WNK1: variants seen among roughly 807,000 people sequenced by gnomAD.
WNK1 encodes the protein WNK lysine deficient protein kinase 1.
WNK1 carries 38 observed loss-of-function variants against 222.8 expected under a neutral mutation model. The observed-to-expected ratio is 0.17, with a 90% CI of 0.13 to 0.22. WNK1 has a LOEUF of 0.22. WNK1 is among the 10% of genes least tolerant of loss of function. WNK1 has a pLI of 1.00. For missense variants in WNK1, 2,348 were observed against 2,918.4 expected, an observed-to-expected ratio of 0.80 and a Z score of 4.50; for synonymous variants, 1,090 against 1,092.9, an observed-to-expected ratio of 1.00 and a Z score of 0.05.
Position 871,355 on chromosome 12 carries a change from A to G in WNK1, c.2223+7A>G. ...CATACAACATCCTCAGCAGGTGAGAACAATGCATTGCAACATTTTATGAAT... is the reference window on the plus strand; with the variant it reads ...CATACAACATCCTCAGCAGGTGAGAGCAATGCATTGCAACATTTTATGAAT... On this transcript the variant is annotated splice_region_variant and intron_variant, in intron 9 of 27. Coordinates refer to ENST00000315939, the MANE Select transcript of WNK1 (RefSeq NM_018979.4). 1 of 1,613,438 alleles carries G rather than the reference A, an allele frequency of 6.2e-7. No individual in the cohort carries two copies. The highest frequency in any genetic ancestry group is 1.3e-5 in the African/African-American group (1 of 75,024).
chr12:807,711 CTTTTTTTTTT>C (rs869122990), intron 1 of WNK1, among the ~76,000 whole-genome samples: 22 of 78,794 alleles, frequency 2.8e-4, no homozygotes, highest in African/African-American at 6.3e-4. Flanking sequence ...AGCAATAATT[CTTTTTTTTTT>C]TTTTTTTTTT....
Position 859,443 on chromosome 12 carries a change from A to C in WNK1, c.1599A>C (p.Pro533=). 1 of 1,611,896 alleles carries C rather than the reference A, an allele frequency of 6.2e-7. No homozygotes were observed. Among genetic ancestry groups the C allele is most frequent in the Non-Finnish European group, 8.5e-7 (1 of 1,178,862 alleles). ...CTTTTGATTTAGAGAGAGATGTCCC[A>C]GAAGATGTTGCACAAGAAATGGTAA... ...EFSFDLERDV[P]EDVAQEMVES... The change falls in exon 6 of 28, where the codon CCA becomes CCC. Residue 533 remains proline (P), a synonymous_variant. Coordinates refer to ENST00000315939, the MANE Select transcript of WNK1 (RefSeq NM_018979.4).
At chr12:891,783 A>T (rs145931042) in intron 22 of WNK1, among the ~76,000 whole-genome samples, 4 of 152,036 alleles carry the variant, frequency 2.6e-5, no homozygotes, top group African/African-American at 9.6e-5. Flanking sequence ...ACAAAAATTT[A>T]GCCAGCTGTG....
rs554830856 is a variant in WNK1 at position 799,228 on chromosome 12, A to G, written c.760-14414A>G. ...AGCCTCAACCTCCTGGGCTCAAGCA[A>G]TCCTCCCACCTCACCTCCTGAGTAG... is the stretch of plus-strand genomic sequence containing the variant. On this transcript the variant is annotated intron_variant, in intron 1 of 27. Coordinates refer to ENST00000315939, the MANE Select transcript of WNK1 (RefSeq NM_018979.4). 1.3e-4 allele frequency among the ~76,000 whole-genome samples: 19 copies of G among 151,834 alleles called. No homozygotes were observed. The South Asian group carries it at 2.1e-3, about 17-fold the overall frequency.
At chr12:876,562 T>C (rs976615673) in intron 9 of WNK1, among the ~76,000 whole-genome samples, 1 of 152,172 alleles carries the variant, frequency 6.6e-6, no homozygotes, top group African/African-American at 2.4e-5. Context: ...CCTAACAAAA[T>C]CTAAGACACT....
Position 880,873 on chromosome 12 carries a change from G to A in WNK1, c.2985G>A (p.Val995=). The A allele has an allele frequency of 6.2e-7, 1 of 1,614,158 alleles. No individual in the cohort carries two copies. The highest frequency in any genetic ancestry group is 8.5e-7 in the Non-Finnish European group (1 of 1,180,030). ...CACCTGGGTACTTTCCCACAGTGGT[G>A]CAGCCTTATGTGGAATCAAATCTTT... ...LATPGYFPTV[V]QPYVESNLLV... is the part of the protein sequence containing the mutation. Residue 995 remains valine, a synonymous_variant, in exon 12 of 28, where the codon GTG becomes GTA. Transcript: ENST00000315939.
chr12:871,365 G>A lies in WNK1; in HGVS notation c.2223+17G>A. The A allele has an allele frequency of 6.2e-7, 1 of 1,611,370 alleles. No homozygotes were observed. The highest frequency in any genetic ancestry group is 8.5e-7 in the Non-Finnish European group (1 of 1,177,578). ...CCTCAGCAGGTGAGAACAATGCATT[G>A]CAACATTTTATGAATTAGCAGTGGC... On this transcript the variant is annotated intron_variant, in intron 9 of 27. Coordinates refer to ENST00000315939, the MANE Select transcript of WNK1 (RefSeq NM_018979.4).
At chr12:788,295 T>C (rs745698891) in intron 1 of WNK1, among the ~76,000 whole-genome samples, 14 of 152,178 alleles carry the variant, frequency 9.2e-5, no homozygotes, top group Non-Finnish European at 1.5e-4. Flanking sequence ...CACAATAGAT[T>C]GTCCTTCATA....
chr12:848,050 C>G (rs1189069586), intron 4 of WNK1, among the ~76,000 whole-genome samples: 1 of 151,966 alleles, frequency 6.6e-6, no homozygotes, highest in African/African-American at 2.4e-5. Flanking sequence ...CGTGATCTGC[C>G]CGCTTCGGCC....
chr12:857,038 A>T, intron 4 of WNK1, 123 bp from the exon 5 acceptor site: 2 of 936,408 alleles, frequency 2.1e-6, no homozygotes, highest in African/African-American at 1.6e-5. Context: ...CAACTCCTGC[A>T]GGCGAGTCAG....
In WNK1 at chr12:911,356, T is replaced by C. The variant is rs937303457; in HGVS notation, c.*2564T>C. 1.0e-5 allele frequency: 4 copies of C among 398,542 alleles called. No individual in the cohort carries two copies. Among genetic ancestry groups the C allele is most frequent in the Non-Finnish European group, 1.8e-5 (4 of 226,080 alleles). The allele number at this position is 398,542 out of a possible 1,614,324, so 24.7% of individuals were successfully genotyped here. A position where few individuals can be genotyped will look rare whatever the true frequency, so the allele number is the denominator to read the frequency against. ...TACATTTTGCACTAACTCTGGGTGT[T>C]GCGCTTCTTGTAAGATTGCGCTTTG... On this transcript the variant is annotated 3_prime_UTR_variant, in exon 28 of 28. Transcript: ENST00000315939.
intron 14 of WNK1, among the ~76,000 whole-genome samples, chr12:882,537 T>C (rs1405135371): frequency 6.6e-6 from 1 of 152,184 alleles, no homozygotes; most frequent in African/African-American, 2.4e-5. Flanking sequence ...TCTCTTTGAC[T>C]TAAATATCAC....
At chr12:828,393 T>G (rs754602012) in intron 3 of WNK1, among the ~76,000 whole-genome samples, 23 of 152,206 alleles carry the variant, frequency 1.5e-4, no homozygotes, top group Non-Finnish European at 2.8e-4. Flanking sequence ...TTTTATCAAC[T>G]TTTTTCTTAG....
At chr12:871,034 C>T (rs1952097802) in intron 8 of WNK1, among the ~76,000 whole-genome samples, 1 of 152,208 alleles carries the variant, frequency 6.6e-6, no homozygotes, top group African/African-American at 2.4e-5. Flanking sequence ...TAGGTTTTCA[C>T]TGTCAGTGGG....
intron 9 of WNK1, among the ~76,000 whole-genome samples, chr12:873,149 G>A (rs1952300656): frequency 6.6e-6 from 1 of 152,232 alleles, no homozygotes; most frequent in Admixed American, 6.5e-5. Context: ...ATCTTTGGAT[G>A]TAGACGAACA....
In WNK1 at chr12:880,753, A is replaced by G; in HGVS notation, c.2865A>G (p.Pro955=). ...GFPPRLPPQY[P]GDSNIAPSSN... ...CACCTCGACTGCCACCACAGTACCCAGGAGATTCAAATATTGCTCCCTCTT... is the reference window on the plus strand; with the variant it reads ...CACCTCGACTGCCACCACAGTACCCGGGAGATTCAAATATTGCTCCCTCTT... Residue 955 remains proline, a synonymous_variant, in exon 12 of 28, where the codon CCA becomes CCG. Transcript: ENST00000315939. 1 of 1,613,084 alleles carries G rather than the reference A, an allele frequency of 6.2e-7. No individual in the cohort carries two copies. Among genetic ancestry groups the G allele is most frequent in the Admixed American group, 1.7e-5 (1 of 59,886 alleles).
At chr12:756,594 G>A (rs1369536471) in intron 1 of WNK1, among the ~76,000 whole-genome samples, 1 of 152,088 alleles carries the variant, frequency 6.6e-6, no homozygotes, top group Non-Finnish European at 1.5e-5. Context: ...GTAATTTTTT[G>A]TTTTGATTTT....
chr12:772,924 G>A (rs1223990705), intron 1 of WNK1, among the ~76,000 whole-genome samples: 1 of 152,150 alleles, frequency 6.6e-6, no homozygotes, highest in Admixed American at 6.5e-5. Flanking sequence ...TCAGAAATTT[G>A]TAAAAGCCAA....
chr12:865,455 CA>C (rs1951585423), intron 8 of WNK1: 1 of 1,439,110 alleles, frequency 6.9e-7, no homozygotes, highest in Non-Finnish European at 9.2e-7. Context: ...GAATAAAGAA[CA>C]GGACTAAACT....
Sources: gnomAD v4.1 joint callset for allele counts (sites outside exome capture counted in the v4.1 genomes callset) on GRCh38, gnomAD v4.1.1 for gene constraint, MANE v1.5 for transcripts, NCBI Gene and HGNC (gene_info 2026-07-23, HGNC 2026-07-21) for gene names.